The following PTPRD variants were observed in gnomAD, a reference collection of about 807,000 sequenced individuals.
The protein encoded by PTPRD is protein tyrosine phosphatase receptor type D.
Under a neutral mutation model 214.5 loss-of-function variants are expected in PTPRD, and 34 were observed. That is an observed-to-expected ratio of 0.16 (90% confidence interval 0.12 to 0.21). The LOEUF is 0.21. PTPRD is among the 10% of genes least tolerant of loss of function. The pLI, the probability that PTPRD is intolerant of heterozygous loss-of-function variation, is 1.00. For synonymous variants in PTPRD, 1,128 were observed against 845.7 expected (o/e 1.33, Z -5.79); for missense variants, 2,545 against 2,398.7 (o/e 1.06, Z -1.27).
At chr9:10,364,771 A>C (rs556034484) in intron 2 of PTPRD, among the ~76,000 whole-genome samples, 2 of 151,074 alleles carry the variant, frequency 1.3e-5, no homozygotes, top group East Asian at 3.9e-4. Context: ...ATTTTCACTG[A>C]GCATATTCTG....
chr9:10,510,411 C>A (rs2047593453), intron 2 of PTPRD, among the ~76,000 whole-genome samples: 1 of 152,124 alleles, frequency 6.6e-6, no homozygotes, highest in Non-Finnish European at 1.5e-5. Context: ...TCCCTCTCCT[C>A]AGAAATTTCA....
chr9:9,956,027 A>G (rs1315466251), intron 4 of PTPRD, among the ~76,000 whole-genome samples: 1 of 152,140 alleles, frequency 6.6e-6, no homozygotes, highest in Non-Finnish European at 1.5e-5. Flanking sequence ...TTTATTTGCA[A>G]ATGTACCAAC....
rs536041127 is a variant in PTPRD, at chr9:10,483,656, C to A, written c.-600+128742G>T. Among the ~76,000 whole-genome samples, 5 of 152,002 alleles carry A rather than the reference C, an allele frequency of 3.3e-5. 1 individual carries two copies. Among genetic ancestry groups the A allele is most frequent in the Admixed American group, 1.3e-4 (2 of 15,252 alleles). On this transcript the variant is annotated intron_variant, in intron 2 of 45. Transcript: ENST00000381196. ...TAATAGAAGATATATAAATGGCCAA[C>A]AAACATATGAAAAAAAAGCACTCAA...
chr9:10,106,823 T>C (rs1591353423), intron 3 of PTPRD, among the ~76,000 whole-genome samples: 1 of 151,938 alleles, frequency 6.6e-6, no homozygotes, highest in South Asian at 2.1e-4. Context: ...ATATGTAAAA[T>C]GTCTATATGT....
At chr9:10,247,713 T>G (rs1003818073) in intron 3 of PTPRD, among the ~76,000 whole-genome samples, 1 of 152,192 alleles carries the variant, frequency 6.6e-6, no homozygotes, top group Non-Finnish European at 1.5e-5. Context: ...GCTTTTCATT[T>G]TGGCTGACTT....
intron 2 of PTPRD, among the ~76,000 whole-genome samples, chr9:10,366,831 T>G (rs140832815): frequency 5.6e-4 from 86 of 152,262 alleles, no homozygotes; most frequent in African/African-American, 1.9e-3. Flanking sequence ...TTGGCAAAAC[T>G]GACTTTGTGA....
intron 10 of PTPRD, among the ~76,000 whole-genome samples, chr9:9,174,831 G>A (rs1373251586): frequency 6.6e-6 from 1 of 151,550 alleles, no homozygotes; most frequent in East Asian, 1.9e-4. Flanking sequence ...TTTTTTTTAA[G>A]ACCGTGAGAT....
At chr9:10,612,207 C>A (rs201089891) in intron 2 of PTPRD, among the ~76,000 whole-genome samples, 191 bp downstream of exon 2, 10 of 24,444 alleles carry the variant, frequency 4.1e-4, no homozygotes, top group Non-Finnish European at 8.0e-4. Context: ...AAGGGCTCTT[C>A]CAAAAAAAAA....
intron 11 of PTPRD, among the ~76,000 whole-genome samples, chr9:8,964,339 G>A (rs149540914): frequency 6.6e-6 from 1 of 151,124 alleles, no homozygotes; most frequent in Non-Finnish European, 1.5e-5. Context: ...TCTACTTCAT[G>A]TCCATAGAGT....
intron 39 of PTPRD, among the ~76,000 whole-genome samples, chr9:8,357,571 G>A (rs542586488): frequency 8.5e-5 from 13 of 152,300 alleles, no homozygotes; most frequent in African/African-American, 3.1e-4. Context: ...TTTTGGAAAT[G>A]GAGAGAATGT....
rs534283592 is a variant in PTPRD, at chr9:9,868,621, G to A, written c.-368+69886C>T. Among the ~76,000 whole-genome samples the A allele has an allele frequency of 1.5e-4, 23 of 151,964 alleles. No individual in the cohort carries two copies. In the South Asian group the frequency reaches 2.1e-3, roughly 14 times the overall value. Reference sequence around the variant, plus strand: ...TTATTAAAAAAAAAAATCCCTGAGCGGGAGAATACCCTAACGTGCAGTGTA... The same window carrying A: ...TTATTAAAAAAAAAAATCCCTGAGCAGGAGAATACCCTAACGTGCAGTGTA... On this transcript the variant is annotated intron_variant, in intron 5 of 45. Coordinates refer to ENST00000381196, the MANE Select transcript of PTPRD (RefSeq NM_002839.4).
intron 2 of PTPRD, among the ~76,000 whole-genome samples, chr9:10,483,386 A>T (rs546137499): frequency 2.1e-4 from 32 of 152,262 alleles, no homozygotes; most frequent in South Asian, 2.1e-4. Context: ...ATAATTTATG[A>T]TGAAGACCCC....
intron 39 of PTPRD, among the ~76,000 whole-genome samples, chr9:8,353,884 G>GTATATATGTATATATGTA (rs1564201112): frequency 1.1e-4 from 15 of 135,628 alleles, no homozygotes; most frequent in African/African-American, 4.2e-4. Flanking sequence ...GTATATATGT[G>GTATATATGTATATATGTA]TATATATGTA....
intron 2 of PTPRD, among the ~76,000 whole-genome samples, chr9:10,352,304 T>C (rs2097196669): frequency 6.6e-6 from 1 of 152,044 alleles, no homozygotes; most frequent in African/African-American, 2.4e-5. Context: ...GGGTCCTTGT[T>C]TCATCGCTAG....
At chr9:9,458,570 A>T (rs2093320410) in intron 8 of PTPRD, among the ~76,000 whole-genome samples, 1 of 152,042 alleles carries the variant, frequency 6.6e-6, no homozygotes, top group African/African-American at 2.4e-5. Context: ...GCTTAAAAAA[A>T]ATCATGAGTT....
chr9:8,765,693 T>C (rs1364753465), intron 11 of PTPRD, among the ~76,000 whole-genome samples: 1 of 152,192 alleles, frequency 6.6e-6, no homozygotes, highest in Admixed American at 6.5e-5. Flanking sequence ...TGTGAGATAA[T>C]AAATGCTGTT....
intron 12 of PTPRD, among the ~76,000 whole-genome samples, chr9:8,684,197 A>G (rs1321934404): frequency 6.6e-6 from 1 of 152,234 alleles, no homozygotes; most frequent in African/African-American, 2.4e-5. Flanking sequence ...TGTATTATAC[A>G]CATACAGAAG....
intron 11 of PTPRD, among the ~76,000 whole-genome samples, chr9:8,819,532 A>G (rs1836228): frequency 0.73 from 110,657 of 151,644 alleles, 41,013 homozygotes; most frequent in African/African-American, 0.86. Context: ...GAGGTGGCAC[A>G]TGCCTGTAGT....
At chr9:9,786,325 T>G (rs1438104046) in intron 5 of PTPRD, among the ~76,000 whole-genome samples, 1 of 152,236 alleles carries the variant, frequency 6.6e-6, no homozygotes, top group Non-Finnish European at 1.5e-5. Context: ...TTGATACATT[T>G]GCATGCATTT....
Sources: allele counts gnomAD v4.1 joint callset (sites outside exome capture counted in the v4.1 genomes callset), GRCh38; gene constraint gnomAD v4.1.1; transcripts MANE v1.5; gene names NCBI Gene and HGNC (gene_info 2026-07-23, HGNC 2026-07-21).